Variants in PPP1R12A observed in about 807,000 individuals in gnomAD.
PPP1R12A encodes the protein protein phosphatase 1 regulatory subunit 12A.
Under a neutral mutation model 139.6 loss-of-function variants are expected in PPP1R12A, and 19 were observed. The ratio of observed to expected loss-of-function variants is 0.14; its 90% CI spans 0.09 to 0.20. The LOEUF (loss-of-function observed/expected upper bound fraction) is 0.20, where lower values mean the gene tolerates loss of function less well. Among genes scored for constraint, PPP1R12A ranks in the 10% least tolerant of loss-of-function variants. The pLI is 1.00. For missense variants in PPP1R12A, 925 were observed against 1,211.5 expected, an observed-to-expected ratio of 0.76 and a Z score of 3.51; for synonymous variants, 427 against 420.6, an observed-to-expected ratio of 1.02 and a Z score of -0.19.
intron 1 of PPP1R12A, among the ~76,000 whole-genome samples, chr12:79,873,163 CTT>C (rs772285701): frequency 2.0e-5 from 3 of 152,082 alleles, no homozygotes; most frequent in Non-Finnish European, 2.9e-5. Flanking sequence ...TGCCTAGACT[CTT>C]TATGGCAACC....
At chr12:79,812,582 T>C (rs553131660) in intron 9 of PPP1R12A, among the ~76,000 whole-genome samples, 3 of 152,092 alleles carry the variant, frequency 2.0e-5, no homozygotes, top group East Asian at 3.9e-4. Context: ...AGGCTAAATA[T>C]TAATTGTAGT....
chr12:79,934,816 T>C lies in PPP1R12A; in HGVS notation c.116A>G (p.Asp39Gly), dbSNP rs1888547190. Residue 39 changes from aspartate (D) to glycine (G), a missense_variant, in exon 1 of 25, where the codon GAC becomes GGC. By Grantham distance (94) the Asp-to-Gly change is moderately conservative. This residue lies in a region of PPP1R12A where 199 missense variants were observed against 352.4 expected (regional missense o/e 0.56). Transcript: ENST00000450142. Reference sequence around the variant, plus strand: ...AGCAGCCAGGAAGACGGCGCCATCGTCGAACTTCACCTTGGTCTTCTGGCG... The same window carrying C: ...AGCAGCCAGGAAGACGGCGCCATCGCCGAACTTCACCTTGGTCTTCTGGCG... Reference protein sequence around the residue: ...VKRQKTKVKFDDGAVFLAACS... With the variant: ...VKRQKTKVKFGDGAVFLAACS... 1.9e-6 allele frequency: 3 copies of C among 1,604,822 alleles called. No individual in the cohort carries two copies. Among genetic ancestry groups the C allele is most frequent in the Non-Finnish European group, 2.6e-6 (3 of 1,175,902 alleles).
At chr12:79,893,168 T>G (rs1884821758) in intron 1 of PPP1R12A, among the ~76,000 whole-genome samples, 2 of 151,878 alleles carry the variant, frequency 1.3e-5, no homozygotes, top group Admixed American at 1.3e-4. Flanking sequence ...TGGAGGAAGA[T>G]AAAGGGTGCC....
chr12:79,880,307 T>C (rs1408541349), intron 1 of PPP1R12A, among the ~76,000 whole-genome samples: 2 of 152,076 alleles, frequency 1.3e-5, no homozygotes, highest in African/African-American at 4.8e-5. Flanking sequence ...TTTTGAAGAT[T>C]ATATAAGAGT....
chr12:79,900,037 T>C (rs897373052), intron 1 of PPP1R12A, among the ~76,000 whole-genome samples: 4 of 152,230 alleles, frequency 2.6e-5, no homozygotes, highest in Non-Finnish European at 4.4e-5. Context: ...TTATGAACTG[T>C]GTGTTAGCCA....
chr12:79,910,430 G>A (rs372432581), intron 1 of PPP1R12A, among the ~76,000 whole-genome samples: 4 of 151,608 alleles, frequency 2.6e-5, no homozygotes, highest in South Asian at 2.1e-4. Context: ...GCAGTGAGCC[G>A]AGACGGCGCC....
chr12:79,895,042 T>C, intron 1 of PPP1R12A, among the ~76,000 whole-genome samples: 1 of 152,228 alleles, frequency 6.6e-6, no homozygotes, highest in Non-Finnish European at 1.5e-5. Flanking sequence ...AAAGTCTTTA[T>C]GCTTACGTGT....
chr12:79,934,001 C>A (rs1408325731), intron 1 of PPP1R12A, among the ~76,000 whole-genome samples: 2 of 115,320 alleles, frequency 1.7e-5, no homozygotes, highest in Non-Finnish European at 4.1e-5. Context: ...TCAGACTCAA[C>A]ACGTTCCGGT....
chr12:79,935,000 G>A lies in PPP1R12A; in HGVS notation c.-69C>T. ...GGGGAGGCGGAGAGGGAAGAGAGGG[G>A]AGGCAGGGGGTGTGTGAATGTTTCT... On this transcript the variant is annotated 5_prime_UTR_variant, in exon 1 of 25. Transcript: ENST00000450142. 1 of 1,494,808 alleles carries A rather than the reference G, an allele frequency of 6.7e-7. No individual in the cohort carries two copies. The highest frequency in any genetic ancestry group is 8.9e-7 in the Non-Finnish European group (1 of 1,119,528). 92.6% of individuals were successfully genotyped at this position (1,494,808 alleles called of 1,614,324 possible).
chr12:79,797,111 T>C, intron 16 of PPP1R12A, 84 bp downstream of exon 16: 2 of 1,367,332 alleles, frequency 1.5e-6, no homozygotes, highest in South Asian at 1.4e-5. Flanking sequence ...ATATGGTTTG[T>C]TGGTATATAA....
chr12:79,920,850 T>C lies in PPP1R12A; in HGVS notation c.237+13845A>G, dbSNP rs186596868. Among the ~76,000 whole-genome samples, 619 of 152,322 alleles carry C rather than the reference T, an allele frequency of 4.1e-3. 4 individuals are homozygous for C. The highest frequency in any genetic ancestry group is 0.014 in the African/African-American group (589 of 41,578). Reference sequence around the variant, plus strand: ...ACAACCTTGGACTTCTTAGCCGCCATAGCTGTAATAAGTAAATCTTTTTAA... The same window carrying C: ...ACAACCTTGGACTTCTTAGCCGCCACAGCTGTAATAAGTAAATCTTTTTAA... On this transcript the variant is annotated intron_variant, in intron 1 of 24. Transcript: ENST00000450142.
rs372409741 is a variant in PPP1R12A at position 79,829,067 on chromosome 12, T to C, written c.648-603A>G. Among the ~76,000 whole-genome samples, 75 of 152,244 alleles carry C rather than the reference T, an allele frequency of 4.9e-4. 3 individuals carry two copies. In the South Asian group the frequency reaches 0.015, roughly 30 times the overall value. On this transcript the variant is annotated intron_variant, in intron 4 of 24. Coordinates refer to ENST00000450142, the MANE Select transcript of PPP1R12A (RefSeq NM_002480.3). ...ATTTTTCTGAGCAGTAGAAAGCAGA[T>C]ACTCCAGTCATCAACAAGCTAAAAC...
intron 11 of PPP1R12A, 66 bp downstream of exon 11, chr12:79,808,417 T>C: frequency 1.8e-6 from 2 of 1,084,402 alleles, no homozygotes; most frequent in Non-Finnish European, 2.8e-6. Context: ...TGCTCATGTA[T>C]TAACTCTAAT....
At chr12:79,797,966 C>T (rs1172549321) in intron 15 of PPP1R12A, among the ~76,000 whole-genome samples, 3 of 152,114 alleles carry the variant, frequency 2.0e-5, no homozygotes, top group Non-Finnish European at 2.9e-5. Context: ...CAAAAGTATA[C>T]ATCATATACA....
intron 1 of PPP1R12A, among the ~76,000 whole-genome samples, chr12:79,891,593 C>A (rs577398864): frequency 1.3e-5 from 2 of 152,184 alleles, no homozygotes; most frequent in Non-Finnish European, 2.9e-5. Flanking sequence ...TGGCAATGAT[C>A]ACTACCTCAT....
At chr12:79,850,838 T>TAG (rs767198461) in intron 2 of PPP1R12A, among the ~76,000 whole-genome samples, 2 of 152,116 alleles carry the variant, frequency 1.3e-5, no homozygotes, top group Non-Finnish European at 1.5e-5. Context: ...TTGCTCTCTT[T>TAG]CTCTCTTCTT....
At position 79,797,227 on chromosome 12, in the gene PPP1R12A, A is replaced by C; in HGVS notation, c.2260T>G (p.Tyr754Asp). 1 of 1,588,862 alleles carries C rather than the reference A, an allele frequency of 6.3e-7. No individual in the cohort carries two copies. Among genetic ancestry groups the C allele is most frequent in the Non-Finnish European group, 8.6e-7 (1 of 1,167,548 alleles). ...KESETSREDE[Y>D]KQKYSRTYDE... ...TACGTTCTGGAGTACTTTTGTTTAT[A>C]TTCATCTTCTCTAGATGTTTCTGAC... The change falls in exon 16 of 25, where the codon TAT becomes GAT. Residue 754 changes from tyrosine to aspartate, a missense_variant. Physicochemically the swap from Tyr to Asp is radical, Grantham distance 160. This residue lies in a region of PPP1R12A where 315 missense variants were observed against 363.4 expected (regional missense o/e 0.87). Transcript: ENST00000450142.
intron 1 of PPP1R12A, among the ~76,000 whole-genome samples, chr12:79,926,591 GTT>G (rs1342504170): frequency 3.3e-5 from 5 of 152,162 alleles, no homozygotes; most frequent in African/African-American, 1.2e-4. Context: ...CATTTTAAAA[GTT>G]TGTCAGTGTG....
intron 1 of PPP1R12A, among the ~76,000 whole-genome samples, chr12:79,895,422 A>T (rs1006133747): frequency 6.6e-6 from 1 of 152,210 alleles, no homozygotes; most frequent in African/African-American, 2.4e-5. Flanking sequence ...CTGCCTACTC[A>T]TGACTTCAAA....
Sources: gnomAD v4.1 joint callset for allele counts (sites outside exome capture counted in the v4.1 genomes callset) on GRCh38, gnomAD v4.1.1 for gene constraint, gnomAD v4.1.1 regional missense constraint, MANE v1.5 for transcripts, NCBI Gene and HGNC (gene_info 2026-07-23, HGNC 2026-07-21) for gene names.